The following PRKAR2B variants were observed in gnomAD, a reference collection of about 807,000 sequenced individuals.
PRKAR2B encodes the protein cAMP-dependent protein kinase type II-beta regulatory subunit.
A neutral mutation model predicts 49.9 loss-of-function variants in PRKAR2B; 14 were observed. The ratio of observed to expected loss-of-function variants is 0.28; its 90% CI spans 0.19 to 0.44. The LOEUF is 0.44. PRKAR2B is among the 20% of genes least tolerant of loss of function. The pLI is 1.00. For missense variants in PRKAR2B, 393 were observed against 537.9 expected, an observed-to-expected ratio of 0.73 and a Z score of 2.67; for synonymous variants, 196 against 197.7, an observed-to-expected ratio of 0.99 and a Z score of 0.07.
At chr7:107,099,100 G>T (rs1363874607) in intron 2 of PRKAR2B, among the ~76,000 whole-genome samples, 1 of 152,202 alleles carries the variant, frequency 6.6e-6, no homozygotes, top group Non-Finnish European at 1.5e-5. Context: ...GTTCAGCTAT[G>T]CCCTGCTGCC....
intron 2 of PRKAR2B, chr7:107,078,067 T>C (rs1245611339): frequency 6.6e-6 from 1 of 152,064 alleles, no homozygotes; most frequent in African/African-American, 2.4e-5. Context: ...CTGGGCGTTG[T>C]GGCGTGTGCC....
intron 2 of PRKAR2B, among the ~76,000 whole-genome samples, chr7:107,088,053 G>A (rs1794654856): frequency 6.6e-6 from 1 of 152,120 alleles, no homozygotes; most frequent in Non-Finnish European, 1.5e-5. Context: ...TTTACAGTAT[G>A]TCGTGTAATT....
At chr7:107,118,347 GTGTT>G (rs1461411393) in intron 2 of PRKAR2B, among the ~76,000 whole-genome samples, 1 of 150,726 alleles carries the variant, frequency 6.6e-6, no homozygotes, top group Admixed American at 6.6e-5. Context: ...CATTCAATGT[GTGTT>G]TGAGTGTGTA....
At chr7:107,100,823 CT>C (rs1390181928) in intron 2 of PRKAR2B, among the ~76,000 whole-genome samples, 257 of 139,002 alleles carry the variant, frequency 1.8e-3, no homozygotes, top group Middle Eastern at 3.6e-3. Context: ...CCAGAACTTG[CT>C]TTTTTTTTTT....
intron 2 of PRKAR2B, among the ~76,000 whole-genome samples, chr7:107,096,422 CTG>C (rs1180273189): frequency 6.6e-6 from 1 of 150,798 alleles, no homozygotes; most frequent in Non-Finnish European, 1.5e-5. Flanking sequence ...TGCTAGCGGT[CTG>C]TCAATTTTGT....
intron 2 of PRKAR2B, 70 bp downstream of exon 2, chr7:107,070,386 A>T (rs1230343471): frequency 7.4e-7 from 1 of 1,345,554 alleles, no homozygotes; most frequent in African/African-American, 1.5e-5. Context: ...ATTGGACAAG[A>T]AGGTACAAAG....
chr7:107,119,309 A>G (rs1795346246), intron 2 of PRKAR2B, among the ~76,000 whole-genome samples: 1 of 152,204 alleles, frequency 6.6e-6, no homozygotes, highest in Non-Finnish European at 1.5e-5. Context: ...CAATCCTGTG[A>G]ACATGGCCAG....
intron 4 of PRKAR2B, chr7:107,129,228 CTT>C (rs1795554078): frequency 6.6e-6 from 1 of 152,150 alleles, no homozygotes; most frequent in African/African-American, 2.4e-5. Flanking sequence ...TTAAAAATCT[CTT>C]TTGTTTCTAG....
chr7:107,153,114 C>T (rs1337821957), intron 7 of PRKAR2B, 63 bp from the exon 8 acceptor site: 32 of 1,309,184 alleles, frequency 2.4e-5, no homozygotes, highest in African/African-American at 5.9e-5. Flanking sequence ...TTTTTACTCC[C>T]GAACTAGATA....
At chr7:107,098,006 A>T (rs564364434) in intron 2 of PRKAR2B, among the ~76,000 whole-genome samples, 1 of 152,178 alleles carries the variant, frequency 6.6e-6, no homozygotes, top group East Asian at 1.9e-4. Flanking sequence ...GCTTTTCTCG[A>T]GGAGTATCTT....
intron 2 of PRKAR2B, among the ~76,000 whole-genome samples, chr7:107,119,348 G>C (rs79936566): frequency 0.017 from 2,536 of 152,264 alleles, 70 homozygotes; most frequent in African/African-American, 0.057. Context: ...CACGAGGGCC[G>C]TGCATTTGGT....
chr7:107,068,593 G>A (rs1794199495), intron 1 of PRKAR2B: 1 of 152,080 alleles, frequency 6.6e-6, no homozygotes, highest in African/African-American at 2.4e-5. Flanking sequence ...CTAAAGTATT[G>A]TGGTATATAA....
intron 5 of PRKAR2B, among the ~76,000 whole-genome samples, chr7:107,143,460 A>AT (rs1562869954): frequency 6.6e-6 from 1 of 152,230 alleles, no homozygotes; most frequent in Non-Finnish European, 1.5e-5. Context: ...CAAGCCTGCC[A>AT]TTGTTTGTGG....
chr7:107,118,951 T>C (rs1250004552), intron 2 of PRKAR2B, among the ~76,000 whole-genome samples: 3 of 152,186 alleles, frequency 2.0e-5, no homozygotes, highest in Non-Finnish European at 4.4e-5. Context: ...ACTAAGTCCT[T>C]GTAGTACTGG....
At chr7:107,051,905 G>A (rs1177160974) in intron 1 of PRKAR2B, among the ~76,000 whole-genome samples, 1 of 152,112 alleles carries the variant, frequency 6.6e-6, no homozygotes, top group Non-Finnish European at 1.5e-5. Flanking sequence ...GGATGACATT[G>A]TTTAATTTAC....
intron 2 of PRKAR2B, among the ~76,000 whole-genome samples, chr7:107,095,938 C>A (rs1359465027): frequency 6.6e-6 from 1 of 152,208 alleles, no homozygotes; most frequent in Non-Finnish European, 1.5e-5. Flanking sequence ...CATCGATGTT[C>A]ATCAGGGATA....
intron 6 of PRKAR2B, among the ~76,000 whole-genome samples, chr7:107,150,551 AAAAAGAACGTAGAGTACAT>A (rs1249324827): frequency 6.7e-6 from 1 of 148,700 alleles, no homozygotes; most frequent in Non-Finnish European, 1.5e-5. Flanking sequence ...TGTGGATATG[AAAAAGAACGTAGAGTACAT>A]AACAGAGTAA....
chr7:107,158,507 C>G (rs190170157), intron 10 of PRKAR2B, among the ~76,000 whole-genome samples: 30 of 152,022 alleles, frequency 2.0e-4, no homozygotes, highest in African/African-American at 6.8e-4. Flanking sequence ...TTTATTACAC[C>G]AAATTTTAAA....
At position 107,160,759 on chromosome 7, in the gene PRKAR2B, C is replaced by T. The variant is rs1796183590; in HGVS notation, c.*1177C>T. ...TTACCATATATACCATTAGGCCTTGCCATTGCTTTAATGTAGACTCATAGT... is the reference window on the plus strand; with the variant it reads ...TTACCATATATACCATTAGGCCTTGTCATTGCTTTAATGTAGACTCATAGT... On this transcript the variant is annotated 3_prime_UTR_variant, in exon 11 of 11. Transcript: ENST00000265717. 1 of 152,080 alleles carries T rather than the reference C, an allele frequency of 6.6e-6. No individual in the cohort carries two copies. The highest frequency in any genetic ancestry group is 2.1e-4 in the South Asian group (1 of 4,830). 9.4% of individuals were successfully genotyped at this position (152,080 alleles called of 1,614,324 possible).
Sources: allele counts gnomAD v4.1 joint callset (sites outside exome capture counted in the v4.1 genomes callset), GRCh38; gene constraint gnomAD v4.1.1; transcripts MANE v1.5; gene names NCBI Gene and HGNC (gene_info 2026-07-23, HGNC 2026-07-21).